Variants in RSL1D1 observed in about 807,000 individuals in gnomAD.
RSL1D1 encodes ribosomal L1 domain-containing protein 1.
A neutral mutation model predicts 44.6 loss-of-function variants in RSL1D1; 34 were observed. That is an observed-to-expected ratio of 0.76 (90% CI 0.58 to 1.02). RSL1D1 has a LOEUF of 1.02. Ranked by LOEUF, RSL1D1 falls within the 50% of genes least tolerant of loss-of-function variation. The pLI, the probability that RSL1D1 is intolerant of heterozygous loss-of-function variation, is 0.00. For missense variants in RSL1D1, 767 were observed against 568.1 expected, an observed-to-expected ratio of 1.35 and a Z score of -3.56; for synonymous variants, 271 against 207.4, an observed-to-expected ratio of 1.31 and a Z score of -2.63.
intron 2 of RSL1D1, among the ~76,000 whole-genome samples, chr16:11,848,225 C>T (rs1042416095): frequency 3.3e-5 from 5 of 152,134 alleles, no homozygotes; most frequent in Admixed American, 6.6e-5. Context: ...TGGACTCCAG[C>T]CTGGGTAACA....
In RSL1D1 at chr16:11,835,010, C is replaced by G. The variant is rs574676465; in HGVS notation, c.*2777G>C. 6.6e-6 allele frequency: 1 copy of G among 152,252 alleles called. No individual in the cohort carries two copies. The highest frequency in any genetic ancestry group is 6.6e-5 in the Admixed American group (1 of 15,260). The allele number at this position is 152,252 out of a possible 1,614,324, so 9.4% of individuals were successfully genotyped here. ...CCTGTAGTCTGAGCTACTTGGGAGG[C>G]TGAGGTGGGAAGATCGCCTTGAGCC... is the stretch of plus-strand genomic sequence containing the variant. On this transcript the variant is annotated 3_prime_UTR_variant, in exon 9 of 9. Coordinates refer to ENST00000571133, the MANE Select transcript of RSL1D1 (RefSeq NM_015659.3).
At chr16:11,850,111 G>T (rs963576123) in intron 2 of RSL1D1, among the ~76,000 whole-genome samples, 168 bp downstream of exon 2, 1 of 152,186 alleles carries the variant, frequency 6.6e-6, no homozygotes, top group African/African-American at 2.4e-5. Flanking sequence ...ACAGGTGTGA[G>T]CCACCACATC....
Position 11,847,750 on chromosome 16 carries a change from T to C in RSL1D1, c.302A>G (p.Asp101Gly), listed in dbSNP as rs140412007. The C allele has an allele frequency of 1.1e-3, 1,843 of 1,613,240 alleles. 26 individuals carry two copies. The highest frequency in any genetic ancestry group is 3.3e-4 in the Middle Eastern group (2 of 6,080). ...CTTTTCAGGAGTTGAATTGGGTTCA[T>C]CCTTCGTAAATAAACAGATATCTTC... ...DSEDICLFTKDEPNSTPEKTE... is the reference protein window; with the variant it reads ...DSEDICLFTKGEPNSTPEKTE... Residue 101 changes from aspartate to glycine, a missense_variant, in exon 3 of 9, where the codon GAT (aspartate) becomes GGT (glycine). Physicochemically the swap from Asp to Gly is moderately conservative, Grantham distance 94. Coordinates refer to ENST00000571133, the MANE Select transcript of RSL1D1 (RefSeq NM_015659.3).
chr16:11,841,446 A>T (rs1343519815), intron 7 of RSL1D1: 4 of 278,178 alleles, frequency 1.4e-5, no homozygotes, highest in South Asian at 8.9e-5. Flanking sequence ...TAACAAAAAT[A>T]AAAAAAAAAT....
chr16:11,835,184 GTTT>G lies in RSL1D1; in HGVS notation c.*2600_*2602del, dbSNP rs74713371. The G allele has an allele frequency of 1.3e-5, 2 of 148,154 alleles. No homozygotes were observed. The highest frequency in any genetic ancestry group is 1.4e-4 in the Admixed American group (2 of 14,782). 9.2% of individuals were successfully genotyped at this position (148,154 alleles called of 1,614,324 possible). A position where few individuals can be genotyped will look rare whatever the true frequency, so the allele number is the denominator to read the frequency against. On this transcript the variant is annotated 3_prime_UTR_variant, in exon 9 of 9. Transcript: ENST00000571133. ...CCTCTAATTTCAGGGAGAGCTAGAT[GTTT>G]TTTTTTTTCTCTTTTTTTCAGTTTT...
chr16:11,847,483 G>T (rs1435543818), intron 3 of RSL1D1, 185 bp downstream of exon 3: 1 of 549,840 alleles, frequency 1.8e-6, no homozygotes, highest in Admixed American at 3.5e-5. Context: ...ACAGAGGAAT[G>T]ACACGAGCCA....
Position 11,837,855 on chromosome 16 carries a change from A to G in RSL1D1, c.1405T>C (p.Ser469Pro). 6.2e-7 allele frequency: 1 copy of G among 1,613,850 alleles called. No homozygotes were observed. Among genetic ancestry groups the G allele is most frequent in the African/African-American group, 1.3e-5 (1 of 74,932 alleles). ...GGGGTGTGGGAAGCTTTTCTCACAGATTTACTAGGAGTGGTGAAAAACTTG... is the reference window on the plus strand; with the variant it reads ...GGGGTGTGGGAAGCTTTTCTCACAGGTTTACTAGGAGTGGTGAAAAACTTG... ...EAKFFTTPSKSVRKASHTPKK... is the reference protein window; with the variant it reads ...EAKFFTTPSKPVRKASHTPKK... The change falls in exon 9 of 9, where the codon TCT (serine) becomes CCT (proline). Residue 469 changes from serine to proline, a missense_variant. Physicochemically the swap from Ser to Pro is moderately conservative, Grantham distance 74. Transcript: ENST00000571133.
rs369583738 is a variant in RSL1D1 at position 11,850,390 on chromosome 16, G to A, written c.134C>T (p.Thr45Met). The change falls in exon 2 of 9, where the codon ACG becomes ATG. Residue 45 changes from threonine to methionine, a missense_variant. Coordinates refer to ENST00000571133, the MANE Select transcript of RSL1D1 (RefSeq NM_015659.3). ...QVRKAVDALL[T>M]HCKSRKNNYG... is the part of the protein sequence containing the mutation. ...ATTGTTTTTCCTGGACTTGCAATGC[G>A]TCAAGAGAGCGTCCACTGCCTTTCT... 3.8e-6 allele frequency: 6 copies of A among 1,598,088 alleles called. No individual in the cohort carries two copies. The African/African-American group carries it at 5.4e-5, about 14-fold the overall frequency.
In RSL1D1 at chr16:11,848,769, C is replaced by G. The variant is rs75880802; in HGVS notation, c.246-963G>C. Among the ~76,000 whole-genome samples the G allele has an allele frequency of 7.2e-3, 1,093 of 151,564 alleles. 14 individuals carry two copies. The highest frequency in any genetic ancestry group is 0.025 in the African/African-American group (1,043 of 41,362). On this transcript the variant is annotated intron_variant, in intron 2 of 8. Transcript: ENST00000571133. Reference sequence around the variant, plus strand: ...TCAGCCTCCCAAACTGCTGAGATTACAGTGTGAGCCACCACACTCAGCCAA... The same window carrying G: ...TCAGCCTCCCAAACTGCTGAGATTAGAGTGTGAGCCACCACACTCAGCCAA...
chr16:11,848,063 C>T (rs1040918081), intron 2 of RSL1D1, among the ~76,000 whole-genome samples: 2 of 152,040 alleles, frequency 1.3e-5, no homozygotes, highest in African/African-American at 4.8e-5. Flanking sequence ...ACCAGCCTGG[C>T]CAACATGGTG....
In RSL1D1 at chr16:11,836,551, C is replaced by G. The variant is rs1393191270; in HGVS notation, c.*1236G>C. On this transcript the variant is annotated 3_prime_UTR_variant, in exon 9 of 9. Coordinates refer to ENST00000571133, the MANE Select transcript of RSL1D1 (RefSeq NM_015659.3). ...TGGAAACGTTAGCAATCTACTCTTC[C>G]AAGATTCCTTGGAGTTGTCATACAT... 6.6e-6 allele frequency: 1 copy of G among 152,190 alleles called. No individual in the cohort carries two copies. Among genetic ancestry groups the G allele is most frequent in the East Asian group, 1.9e-4 (1 of 5,198 alleles). 9.4% of individuals were successfully genotyped at this position (152,190 alleles called of 1,614,324 possible).
At chr16:11,845,896 G>A (rs1313547432) in intron 5 of RSL1D1, among the ~76,000 whole-genome samples, 4 of 151,540 alleles carry the variant, frequency 2.6e-5, no homozygotes, top group Non-Finnish European at 5.9e-5. Context: ...TAATGTTCTT[G>A]ATTTTTCTGT....
At chr16:11,849,984 T>C (rs577215373) in intron 2 of RSL1D1, among the ~76,000 whole-genome samples, 41 of 152,150 alleles carry the variant, frequency 2.7e-4, no homozygotes, top group Non-Finnish European at 5.3e-4. Flanking sequence ...CCCGCCATCA[T>C]GCCTGGCTAA....
intron 2 of RSL1D1, among the ~76,000 whole-genome samples, chr16:11,849,939 TGCCTCA>T (rs1031850503): frequency 1.3e-5 from 2 of 152,186 alleles, no homozygotes; most frequent in Admixed American, 1.3e-4. Flanking sequence ...GCCACTCTCC[TGCCTCA>T]GCCTCCCGAG....
chr16:11,847,916 C>G, intron 2 of RSL1D1, 110 bp from the exon 3 acceptor site: 2 of 1,154,978 alleles, frequency 1.7e-6, no homozygotes, highest in Non-Finnish European at 2.5e-6. Context: ...AACTTTTAGT[C>G]ATGCTAGTTA....
Position 11,839,882 on chromosome 16 carries a change from T to C in RSL1D1, c.959A>G (p.Asp320Gly). The C allele has an allele frequency of 6.2e-7, 1 of 1,614,156 alleles. No homozygotes were observed. The highest frequency in any genetic ancestry group is 8.5e-7 in the Non-Finnish European group (1 of 1,180,020). The change falls in exon 8 of 9, where the codon GAT becomes GGT. Residue 320 changes from aspartate to glycine, a missense_variant. Transcript: ENST00000571133. ...AGTATCACCACTTTCAGGTGCCACA[T>C]CATCTTTACTAAGAACTGATGCAGT... Reference protein sequence around the residue: ...RKTASVLSKDDVAPESGDTTV... With the variant: ...RKTASVLSKDGVAPESGDTTV...
chr16:11,844,686 C>A (rs564234920), intron 5 of RSL1D1, among the ~76,000 whole-genome samples: 1 of 152,320 alleles, frequency 6.6e-6, no homozygotes, highest in Middle Eastern at 3.4e-3. Context: ...GTGTTGTTTT[C>A]TGCCGACTGT....
Position 11,833,990 on chromosome 16 carries a change from A to C in RSL1D1, c.*3797T>G, listed in dbSNP as rs1013758652. 1.3e-5 allele frequency: 2 copies of C among 152,194 alleles called. No individual in the cohort carries two copies. Among genetic ancestry groups the C allele is most frequent in the Non-Finnish European group, 2.9e-5 (2 of 68,044 alleles). The allele number at this position is 152,194 out of a possible 1,614,324, so 9.4% of individuals were successfully genotyped here. On this transcript the variant is annotated 3_prime_UTR_variant, in exon 9 of 9. Transcript: ENST00000571133. ...TTTGGTTCATTAAATCTCCCTGGTG[A>C]AGAGGATGGATTCCAGAAACCCAGT... is the stretch of plus-strand genomic sequence containing the variant.
At chr16:11,844,386 C>T (rs1404585842) in intron 5 of RSL1D1, among the ~76,000 whole-genome samples, 1 of 152,172 alleles carries the variant, frequency 6.6e-6, no homozygotes, top group East Asian at 1.9e-4. Flanking sequence ...TTCATGGTAC[C>T]ATCTTCTTCT....
Sources: allele counts gnomAD v4.1 joint callset (sites outside exome capture counted in the v4.1 genomes callset), GRCh38; gene constraint gnomAD v4.1.1; transcripts MANE v1.5; gene names NCBI Gene and HGNC (gene_info 2026-07-23, HGNC 2026-07-21).